LOXHD1: variants seen among roughly 807,000 people sequenced by gnomAD.
The protein encoded by LOXHD1 is lipoxygenase homology domain-containing protein 1.
Under a neutral mutation model 248.2 loss-of-function variants are expected in LOXHD1, and 205 were observed. The observed-to-expected ratio is 0.83, with a 90% CI of 0.74 to 0.93. The LOEUF (loss-of-function observed/expected upper bound fraction) is 0.93. Among genes scored for constraint, LOXHD1 ranks in the 40% least tolerant of loss-of-function variants. LOXHD1 has a pLI of 0.00. For missense variants in LOXHD1, 2,930 were observed against 2,971.6 expected (o/e 0.99, Z 0.33); for synonymous variants, 1,113 against 1,162.8 (o/e 0.96, Z 0.87).
chr18:46,488,183 G>A (rs1598824586), intron 38 of LOXHD1, among the ~76,000 whole-genome samples: 1 of 152,294 alleles, frequency 6.6e-6, no homozygotes, highest in Non-Finnish European at 1.5e-5. Context: ...GGGAGGGGCT[G>A]CAGAGAGGAA....
intron 21 of LOXHD1, among the ~76,000 whole-genome samples, chr18:46,547,451 A>G (rs1230558792): frequency 6.6e-6 from 1 of 152,222 alleles, no homozygotes; most frequent in Non-Finnish European, 1.5e-5. Flanking sequence ...TAGGTGCACA[A>G]TACATAAGTG....
intron 8 of LOXHD1, among the ~76,000 whole-genome samples, chr18:46,599,455 G>C (rs1427391833): frequency 1.3e-5 from 2 of 151,948 alleles, no homozygotes; most frequent in African/African-American, 4.8e-5. Context: ...TCAATTCCTA[G>C]TATTTTAAAA....
intron 23 of LOXHD1, among the ~76,000 whole-genome samples, chr18:46,543,917 C>G (rs2036680075): frequency 6.6e-6 from 1 of 152,174 alleles, no homozygotes; most frequent in South Asian, 2.1e-4. Context: ...TCTGGAGCAT[C>G]TTCTCTGGAT....
chr18:46,601,062 C>A (rs1394907540), intron 8 of LOXHD1, among the ~76,000 whole-genome samples, 155 bp downstream of exon 8: 1 of 152,148 alleles, frequency 6.6e-6, no homozygotes, highest in African/African-American at 2.4e-5. Flanking sequence ...GCAAGATAGA[C>A]GGACACGTAA....
chr18:46,520,282 G>A (rs199954342), intron 33 of LOXHD1: 7 of 470,940 alleles, frequency 1.5e-5, no homozygotes, highest in Non-Finnish European at 3.1e-5. Flanking sequence ...CTCAGGTCCA[G>A]GTGATTTCTT....
At position 46,577,878 on chromosome 18, in the gene LOXHD1, G is replaced by T. The variant is rs539134797; in HGVS notation, c.1810-11C>A. 1 of 1,551,314 alleles carries T rather than the reference G, an allele frequency of 6.4e-7. No homozygotes were observed. Among genetic ancestry groups the T allele is most frequent in the South Asian group, 1.2e-5 (1 of 84,030 alleles). On this transcript the variant is annotated splice_polypyrimidine_tract_variant and intron_variant, in intron 13 of 40. Coordinates refer to ENST00000642948, the MANE Select transcript of LOXHD1 (RefSeq NM_001384474.1). ...AGTGAACTCGTCAGCCTTGTGGGGGGAAACCACAAGGCCAGTTAGACAGTG... is the reference window on the plus strand; with the variant it reads ...AGTGAACTCGTCAGCCTTGTGGGGGTAAACCACAAGGCCAGTTAGACAGTG...
chr18:46,592,621 C>G (rs771048920), intron 10 of LOXHD1, 37 bp from the exon 11 acceptor site: 2 of 1,504,144 alleles, frequency 1.3e-6, no homozygotes, highest in East Asian at 2.5e-5. Flanking sequence ...GTGGGCATAA[C>G]TGAAGAAATG....
At chr18:46,621,392 T>C (rs952845515) in intron 4 of LOXHD1, among the ~76,000 whole-genome samples, 1 of 152,258 alleles carries the variant, frequency 6.6e-6, no homozygotes, top group African/African-American at 2.4e-5. Context: ...CTATCTACTT[T>C]GCCATTTTCC....
chr18:46,617,018 G>T (rs1292338197), intron 5 of LOXHD1, among the ~76,000 whole-genome samples: 1 of 152,170 alleles, frequency 6.6e-6, no homozygotes, highest in Non-Finnish European at 1.5e-5. Flanking sequence ...TGTAGTTTTG[G>T]AAAGTGAACA....
At chr18:46,567,796 T>G (rs78286996) in intron 16 of LOXHD1, among the ~76,000 whole-genome samples, 13,900 of 152,282 alleles carry the variant, frequency 0.091, 894 homozygotes, top group Non-Finnish European at 0.14. Context: ...AACTTACATA[T>G]GGCAGGTAAG....
chr18:46,482,122 T>C (rs1321692270), intron 40 of LOXHD1, among the ~76,000 whole-genome samples: 1 of 152,182 alleles, frequency 6.6e-6, no homozygotes, highest in African/African-American at 2.4e-5. Context: ...AGCAGCCACA[T>C]AGAGCAACTC....
intron 21 of LOXHD1, among the ~76,000 whole-genome samples, chr18:46,555,804 T>C (rs1165143628): frequency 6.6e-6 from 1 of 152,096 alleles, no homozygotes; most frequent in East Asian, 1.9e-4. Flanking sequence ...GTTCTGGTCC[T>C]AGCTGTGGCA....
intron 25 of LOXHD1, among the ~76,000 whole-genome samples, chr18:46,538,801 T>C (rs961645699): frequency 2.0e-5 from 3 of 152,192 alleles, no homozygotes; most frequent in Non-Finnish European, 4.4e-5. Flanking sequence ...ACTTGCTGAC[T>C]GGATCGGCCA....
chr18:46,649,359 G>T, intron 1 of LOXHD1, 90 bp from the exon 2 acceptor site: 2 of 1,126,474 alleles, frequency 1.8e-6, no homozygotes, highest in Non-Finnish European at 2.6e-6. Flanking sequence ...TGCTGGGGAG[G>T]CCCAAGCACA....
At chr18:46,613,745 GT>G (rs1350693797) in intron 5 of LOXHD1, among the ~76,000 whole-genome samples, 2 of 151,988 alleles carry the variant, frequency 1.3e-5, no homozygotes, top group Admixed American at 1.3e-4. Context: ...TTTTCTATGG[GT>G]TTTTAAAAAG....
chr18:46,654,077 C>G (rs1298256385), intron 1 of LOXHD1, among the ~76,000 whole-genome samples: 2 of 152,120 alleles, frequency 1.3e-5, no homozygotes, highest in Non-Finnish European at 2.9e-5. Context: ...TGAGAGCTTC[C>G]CCCTCGTGAA....
At chr18:46,503,357 T>G (rs1004993432) in intron 37 of LOXHD1, among the ~76,000 whole-genome samples, 7 of 152,192 alleles carry the variant, frequency 4.6e-5, no homozygotes, top group African/African-American at 1.7e-4. Flanking sequence ...CCTGCCACCC[T>G]TACTAATCTG....
intron 40 of LOXHD1, among the ~76,000 whole-genome samples, chr18:46,479,310 C>T (rs79255027): frequency 8.0e-5 from 12 of 149,996 alleles, no homozygotes; most frequent in Non-Finnish European, 1.3e-4. Flanking sequence ...AGTCCTCTAT[C>T]GAAGAAGCCA....
intron 9 of LOXHD1, among the ~76,000 whole-genome samples, 152 bp from the exon 10 acceptor site, chr18:46,593,912 T>C (rs1214807863): frequency 7.9e-5 from 12 of 152,190 alleles, no homozygotes; most frequent in Non-Finnish European, 1.5e-5. Context: ...TATAGCCAAA[T>C]TTAGAAAGCT....
Sources: gnomAD v4.1 joint callset for allele counts (sites outside exome capture counted in the v4.1 genomes callset) on GRCh38, gnomAD v4.1.1 for gene constraint, MANE v1.5 for transcripts, NCBI Gene and HGNC (gene_info 2026-07-23, HGNC 2026-07-21) for gene names.